The following RBFOX1 variants were observed in gnomAD, a reference collection of about 807,000 sequenced individuals.
RBFOX1 encodes RNA binding protein fox-1 homolog 1.
RBFOX1 carries 8 observed loss-of-function variants against 57.7 expected under a neutral mutation model. That is an observed-to-expected ratio of 0.14 (90% CI 0.08 to 0.25). The LOEUF (loss-of-function observed/expected upper bound fraction) is 0.25. Among genes scored for constraint, RBFOX1 ranks in the 10% least tolerant of loss-of-function variants. The probability of loss-of-function intolerance (pLI) is 1.00; values close to 1 mark genes in which losing one functional copy is unlikely to be tolerated. For synonymous variants in RBFOX1, 326 were observed against 222.4 expected, an observed-to-expected ratio of 1.47 and a Z score of -4.15; for missense variants, 611 against 548.5, an observed-to-expected ratio of 1.11 and a Z score of -1.14.
At chr16:6,427,148 T>A (rs533076975) in intron 2 of RBFOX1, among the ~76,000 whole-genome samples, 2 of 152,300 alleles carry the variant, frequency 1.3e-5, no homozygotes, top group South Asian at 2.1e-4. Context: ...TAAATCTTCT[T>A]AAGTATAGTA....
intron 1 of RBFOX1, among the ~76,000 whole-genome samples, chr16:6,281,951 A>G (rs1369658785): frequency 6.6e-6 from 1 of 152,186 alleles, no homozygotes; most frequent in Non-Finnish European, 1.5e-5. Context: ...ATTAGGCCGT[A>G]CTGCACACCA....
intron 10 of RBFOX1, among the ~76,000 whole-genome samples, chr16:7,625,205 G>C (rs999034652): frequency 1.3e-5 from 2 of 152,096 alleles, no homozygotes; most frequent in African/African-American, 4.8e-5. Context: ...GGTGTTATCT[G>C]GAGGTGGCCA....
rs530627631 is a variant in RBFOX1 at position 6,033,238 on chromosome 16, C to A, written c.-127+13246C>A. On this transcript the variant is annotated intron_variant, in intron 1 of 15. Transcript: ENST00000550418. ...TCATTTTAAGCAAGGGATAATTTGCCAGCATGTAGTGCAAGAGAGGTAGGG... is the reference window on the plus strand; with the variant it reads ...TCATTTTAAGCAAGGGATAATTTGCAAGCATGTAGTGCAAGAGAGGTAGGG... Among the ~76,000 whole-genome samples, 7 of 152,254 alleles carry A rather than the reference C, an allele frequency of 4.6e-5. No homozygotes were observed. The South Asian group carries it at 1.5e-3, about 32-fold the overall frequency.
chr16:5,658,413 T>G (rs73514545), intron 3 of RBFOX1, among the ~76,000 whole-genome samples: 4,999 of 152,186 alleles, frequency 0.033, 250 homozygotes, highest in African/African-American at 0.11. Flanking sequence ...AGGGTGATCA[T>G]CTAACTTTGA....
At chr16:7,366,389 G>T (rs2097448286) in intron 4 of RBFOX1, among the ~76,000 whole-genome samples, 1 of 152,178 alleles carries the variant, frequency 6.6e-6, no homozygotes, top group Non-Finnish European at 1.5e-5. Flanking sequence ...TTCCAGGGAA[G>T]CTGCGCCCTG....
chr16:5,975,593 A>C (rs2060046477), intron 4 of RBFOX1, among the ~76,000 whole-genome samples: 1 of 152,150 alleles, frequency 6.6e-6, no homozygotes, highest in Non-Finnish European at 1.5e-5. Context: ...CAGTGTATTC[A>C]TCTTTCCTGT....
intron 3 of RBFOX1, among the ~76,000 whole-genome samples, chr16:6,732,296 A>T (rs527641004): frequency 6.6e-6 from 1 of 152,302 alleles, no homozygotes; most frequent in East Asian, 1.9e-4. Context: ...CCAGCTCCAG[A>T]ATTCACCGTC....
At chr16:7,268,192 C>G (rs957407282) in intron 4 of RBFOX1, among the ~76,000 whole-genome samples, 1 of 152,186 alleles carries the variant, frequency 6.6e-6, no homozygotes, top group Non-Finnish European at 1.5e-5. Context: ...GCATTAACGT[C>G]TTATGGGACT....
At chr16:6,574,535 T>G (rs932473317) in intron 2 of RBFOX1, among the ~76,000 whole-genome samples, 8 of 148,858 alleles carry the variant, frequency 5.4e-5, no homozygotes, top group African/African-American at 1.7e-4. Context: ...TTCACGCCAT[T>G]CTCCTGCCTC....
At chr16:7,367,046 C>A (rs981538748) in intron 4 of RBFOX1, among the ~76,000 whole-genome samples, 2 of 151,958 alleles carry the variant, frequency 1.3e-5, no homozygotes, top group Admixed American at 6.5e-5. Context: ...TTCCCTCCCC[C>A]AAACCCCCCA....
At chr16:7,495,533 C>A (rs1381697610) in intron 4 of RBFOX1, among the ~76,000 whole-genome samples, 2 of 152,154 alleles carry the variant, frequency 1.3e-5, no homozygotes, top group African/African-American at 4.8e-5. Context: ...GAGATGGTAT[C>A]TCACTGTGGT....
At chr16:5,631,574 G>C (rs914140803) in intron 3 of RBFOX1, among the ~76,000 whole-genome samples, 2 of 151,408 alleles carry the variant, frequency 1.3e-5, no homozygotes, top group Non-Finnish European at 2.9e-5. Context: ...AAAAAAAAGT[G>C]TCTCTTCTAT....
rs1194876675 is a variant in RBFOX1 at position 7,520,368 on chromosome 16, TGA to T, written c.270+1982_270+1983del. Among the ~76,000 whole-genome samples, 3 of 152,162 alleles carry T rather than the reference TGA, an allele frequency of 2.0e-5. No individual in the cohort carries two copies. The East Asian group carries it at 5.8e-4, about 29-fold the overall frequency. ...GCAAAACCACCACCATTATCTAGTTTGAGAATGTTCCTAGCACCCCAAAAGGA... is the reference window on the plus strand; with the variant it reads ...GCAAAACCACCACCATTATCTAGTTTGAATGTTCCTAGCACCCCAAAAGGA... On this transcript the variant is annotated intron_variant, in intron 5 of 15. Coordinates refer to ENST00000550418, the MANE Select transcript of RBFOX1 (RefSeq NM_018723.4).
chr16:6,722,300 G>A (rs772995015), intron 3 of RBFOX1, among the ~76,000 whole-genome samples: 17 of 147,664 alleles, frequency 1.2e-4, no homozygotes, highest in South Asian at 6.6e-4. Flanking sequence ...CCACAGCCTC[G>A]CCAACTTTTG....
intron 3 of RBFOX1, among the ~76,000 whole-genome samples, chr16:6,746,414 C>T (rs2073653548): frequency 6.6e-6 from 1 of 152,138 alleles, no homozygotes; most frequent in South Asian, 2.1e-4. Context: ...TGGTGGCTCA[C>T]ACCTGTAATC....
intron 4 of RBFOX1, among the ~76,000 whole-genome samples, chr16:7,124,076 C>A (rs1178432472): frequency 6.6e-6 from 1 of 152,144 alleles, no homozygotes; most frequent in Non-Finnish European, 1.5e-5. Context: ...TTACATGACC[C>A]TCCCAAATGC....
chr16:7,085,728 A>G (rs909411167), intron 4 of RBFOX1, among the ~76,000 whole-genome samples: 5 of 152,214 alleles, frequency 3.3e-5, no homozygotes, highest in Admixed American at 6.5e-5. Context: ...ACCGGAAACC[A>G]TAAGAAAGAT....
In RBFOX1 at chr16:7,387,609, G is replaced by C. The variant is rs148771105; in HGVS notation, c.28-130538G>C. On this transcript the variant is annotated intron_variant, in intron 4 of 15. Transcript: ENST00000550418. Reference sequence around the variant, plus strand: ...TTCAGAGAGGTTCTTCGAATGTATGGTCAAGCATTGCAAAAGCCGCTGTGT... The same window carrying C: ...TTCAGAGAGGTTCTTCGAATGTATGCTCAAGCATTGCAAAAGCCGCTGTGT... Among the ~76,000 whole-genome samples the C allele has an allele frequency of 1.3e-3, 201 of 152,230 alleles. 2 individuals carry two copies. In the South Asian group the frequency reaches 0.019, roughly 14 times the overall value.
chr16:7,126,437 A>C (rs2068572758), intron 4 of RBFOX1: 2 of 228,968 alleles, frequency 8.7e-6, no homozygotes. Context: ...GTGGCTTCAC[A>C]TACAGCTTGG....
Sources: allele counts gnomAD v4.1 joint callset (sites outside exome capture counted in the v4.1 genomes callset), GRCh38; gene constraint gnomAD v4.1.1; transcripts MANE v1.5; gene names NCBI Gene and HGNC (gene_info 2026-07-23, HGNC 2026-07-21).